Variants in SH3PXD2A observed in about 807,000 individuals in gnomAD.
The protein encoded by SH3PXD2A is SH3 and PX domain-containing protein 2A.
Under a neutral mutation model 115.2 loss-of-function variants are expected in SH3PXD2A, and 32 were observed. The ratio of observed to expected loss-of-function variants is 0.28; its 90% CI spans 0.21 to 0.37. SH3PXD2A has a LOEUF of 0.37. SH3PXD2A is among the 10% of genes least tolerant of loss of function. The pLI, the probability that SH3PXD2A is intolerant of heterozygous loss-of-function variation, is 1.00. For synonymous variants in SH3PXD2A, 610 were observed against 629.1 expected (o/e 0.97, Z 0.45); for missense variants, 1,328 against 1,498.7 (o/e 0.89, Z 1.88).
chr10:103,637,687 G>A (rs183546737), intron 8 of SH3PXD2A, among the ~76,000 whole-genome samples: 86 of 152,280 alleles, frequency 5.6e-4, no homozygotes, highest in Non-Finnish European at 1.1e-3. Flanking sequence ...TGCTTGGTGC[G>A]GGTTTGGAGA....
intron 3 of SH3PXD2A, among the ~76,000 whole-genome samples, chr10:103,747,735 A>G (rs2038522906): frequency 6.6e-6 from 1 of 152,204 alleles, no homozygotes; most frequent in Non-Finnish European, 1.5e-5. Flanking sequence ...AGGCCTGGCC[A>G]GGCCAGCCAC....
chr10:103,715,713 C>A (rs1032212787), intron 5 of SH3PXD2A, among the ~76,000 whole-genome samples: 3 of 152,254 alleles, frequency 2.0e-5, no homozygotes, highest in Non-Finnish European at 4.4e-5. Context: ...AGGCTGGCAG[C>A]CAGACATAAG....
chr10:103,649,901 G>T (rs539375594), intron 8 of SH3PXD2A, among the ~76,000 whole-genome samples: 1 of 152,188 alleles, frequency 6.6e-6, no homozygotes, highest in South Asian at 2.1e-4. Flanking sequence ...CTGGACCTGA[G>T]GGGGGACTCA....
chr10:103,615,548 GAAGAAAGACA>G (rs1234222555), intron 11 of SH3PXD2A, among the ~76,000 whole-genome samples: 1 of 147,632 alleles, frequency 6.8e-6, no homozygotes, highest in East Asian at 2.0e-4. Flanking sequence ...TGGGGGAGGA[GAAGAAAGACA>G]GGAAATGAGG....
chr10:103,614,930 G>A (rs1278614436), intron 11 of SH3PXD2A, among the ~76,000 whole-genome samples: 3 of 152,226 alleles, frequency 2.0e-5, no homozygotes, highest in African/African-American at 2.4e-5. Context: ...GGCAGGCTGA[G>A]CCAAGCTCGC....
intron 1 of SH3PXD2A, among the ~76,000 whole-genome samples, chr10:103,812,914 C>T (rs1406124920): frequency 2.6e-5 from 4 of 152,194 alleles, no homozygotes; most frequent in Non-Finnish European, 1.5e-5. Flanking sequence ...AGCAATTTGA[C>T]CGCTAAGAAT....
At chr10:103,713,575 C>T (rs1426125298) in intron 5 of SH3PXD2A, among the ~76,000 whole-genome samples, 3 of 152,218 alleles carry the variant, frequency 2.0e-5, no homozygotes, top group Non-Finnish European at 2.9e-5. Context: ...TCCTCTGCCA[C>T]TCTCCTTGAG....
At chr10:103,708,643 G>A (rs1037734140) in intron 5 of SH3PXD2A, among the ~76,000 whole-genome samples, 1 of 152,178 alleles carries the variant, frequency 6.6e-6, no homozygotes, top group Non-Finnish European at 1.5e-5. Flanking sequence ...CCTGCCCTGT[G>A]TCACCTTACT....
chr10:103,723,228 T>C (rs1215766088), intron 5 of SH3PXD2A, among the ~76,000 whole-genome samples: 1 of 152,172 alleles, frequency 6.6e-6, no homozygotes, highest in Non-Finnish European at 1.5e-5. Flanking sequence ...AGCCACCCCA[T>C]CTGCCTCTCT....
At chr10:103,615,483 G>A (rs1250482088) in intron 11 of SH3PXD2A, among the ~76,000 whole-genome samples, 1 of 128,524 alleles carries the variant, frequency 7.8e-6, no homozygotes, top group Non-Finnish European at 1.6e-5. Flanking sequence ...AGAGTGCGAG[G>A]GTGTGTGTGT....
intron 8 of SH3PXD2A, among the ~76,000 whole-genome samples, chr10:103,643,617 G>A (rs1040252262): frequency 3.3e-5 from 5 of 152,140 alleles, no homozygotes; most frequent in Admixed American, 6.5e-5. Flanking sequence ...ATCAGCCAGC[G>A]TCTGACAGAT....
At chr10:103,707,590 C>A (rs1386383023) in intron 5 of SH3PXD2A, among the ~76,000 whole-genome samples, 3 of 152,040 alleles carry the variant, frequency 2.0e-5, no homozygotes, top group Non-Finnish European at 4.4e-5. Flanking sequence ...TCAAGCAATT[C>A]TCCTGCCTCA....
intron 5 of SH3PXD2A, among the ~76,000 whole-genome samples, chr10:103,706,383 T>G (rs2134151127): frequency 6.6e-6 from 1 of 152,360 alleles, no homozygotes; most frequent in South Asian, 2.1e-4. Context: ...TTTTAAGTTC[T>G]GGGGGCAGTG....
At chr10:103,796,424 A>G (rs1442033940) in intron 2 of SH3PXD2A, among the ~76,000 whole-genome samples, 1 of 151,152 alleles carries the variant, frequency 6.6e-6, no homozygotes, top group East Asian at 1.9e-4. Flanking sequence ...CCATATGGGC[A>G]TCTTCTTTGT....
At chr10:103,838,939 A>G (rs2039570680) in intron 1 of SH3PXD2A, among the ~76,000 whole-genome samples, 1 of 152,242 alleles carries the variant, frequency 6.6e-6, no homozygotes, top group Non-Finnish European at 1.5e-5. Flanking sequence ...AGAGCCAGGA[A>G]GAGGCCAAAA....
At chr10:103,678,235 C>T in intron 6 of SH3PXD2A, 2 of 987,194 alleles carry the variant, frequency 2.0e-6, no homozygotes, top group South Asian at 1.3e-5. Flanking sequence ...CTTACCCCAT[C>T]CCTCCCCTCC....
At chr10:103,629,458 G>A (rs1400784821) in intron 8 of SH3PXD2A, among the ~76,000 whole-genome samples, 1 of 152,206 alleles carries the variant, frequency 6.6e-6, no homozygotes, top group African/African-American at 2.4e-5. Flanking sequence ...TTGTAATTAT[G>A]GGAACTCAGG....
At chr10:103,840,089 G>A (rs573270189) in intron 1 of SH3PXD2A, among the ~76,000 whole-genome samples, 535 of 152,348 alleles carry the variant, frequency 3.5e-3, no homozygotes, top group Non-Finnish European at 4.7e-3. Flanking sequence ...AAATGATGGC[G>A]CCAACAACAG....
At position 103,688,820 on chromosome 10, in the gene SH3PXD2A, T is replaced by C. The variant is rs367583954; in HGVS notation, c.427+4208A>G. 2.0e-3 allele frequency among the ~76,000 whole-genome samples: 307 copies of C among 152,152 alleles called. 1 individual carries two copies. The highest frequency in any genetic ancestry group is 7.1e-3 in the African/African-American group (295 of 41,514). On this transcript the variant is annotated intron_variant, in intron 6 of 14. Transcript: ENST00000369774. ...CTGGGGGAATTTAAGCAGGAAAGTA[T>C]GTTATTTTCTTTCTTTCTTTCCCTT...
Sources: gnomAD v4.1 joint callset for allele counts (sites outside exome capture counted in the v4.1 genomes callset) on GRCh38, gnomAD v4.1.1 for gene constraint, MANE v1.5 for transcripts, NCBI Gene and HGNC (gene_info 2026-07-23, HGNC 2026-07-21) for gene names.